The following MGAT4A variants were observed in gnomAD, a reference collection of about 807,000 sequenced individuals.
MGAT4A encodes alpha-1,3-mannosyl-glycoprotein 4-beta-N-acetylglucosaminyltransferase A.
MGAT4A carries 33 observed loss-of-function variants against 74.1 expected under a neutral mutation model. That is an observed-to-expected ratio of 0.45 (90% CI 0.34 to 0.60). The LOEUF (loss-of-function observed/expected upper bound fraction) is 0.60, where lower values mean the gene tolerates loss of function less well. Among genes scored for constraint, MGAT4A ranks in the 20% least tolerant of loss-of-function variants. The probability of loss-of-function intolerance (pLI) is 0.02; values close to 1 mark genes in which losing one functional copy is unlikely to be tolerated. For synonymous variants in MGAT4A, 198 were observed against 210.4 expected (o/e 0.94, Z 0.51); for missense variants, 479 against 628.3 (o/e 0.76, Z 2.54).
chr2:98,730,539 G>GCCCACCTGCGCCTCGGACCGTCCGA (rs1559179489), intron 1 of MGAT4A, among the ~76,000 whole-genome samples: 1 of 151,372 alleles, frequency 6.6e-6, no homozygotes, highest in Non-Finnish European at 1.5e-5. Flanking sequence ...GGACCGTCCG[G>GCCCACCTGCGCCTCGGACCGTCCGA]CCCCGCCCAC....
chr2:98,632,061 G>C (rs928854998), intron 14 of MGAT4A, among the ~76,000 whole-genome samples: 3 of 151,892 alleles, frequency 2.0e-5, no homozygotes, highest in Non-Finnish European at 2.9e-5. Flanking sequence ...AGTGAGCCGG[G>C]ATTGCACTAC....
chr2:98,621,579 C>A lies in MGAT4A; in HGVS notation c.*3987G>T. ...CTTTTGCTACATAACATGATATAAT[C>A]ATGGATCAAACAGGTTCCACCCATG... On this transcript the variant is annotated 3_prime_UTR_variant, in exon 16 of 16. Transcript: ENST00000393487. 4 of 1,544,510 alleles carry A rather than the reference C, an allele frequency of 2.6e-6. No individual in the cohort carries two copies. The highest frequency in any genetic ancestry group is 4.0e-5 in the Admixed American group (2 of 50,430).
intron 8 of MGAT4A, 123 bp from the exon 9 acceptor site, chr2:98,645,665 C>A: frequency 2.7e-6 from 2 of 748,262 alleles, no homozygotes; most frequent in Non-Finnish European, 3.8e-6. Context: ...ATGGTAAAAA[C>A]AATAAAAATA....
rs539845934 is a variant in MGAT4A at position 98,652,131 on chromosome 2, T to C, written c.774+3314A>G. 6.6e-5 allele frequency among the ~76,000 whole-genome samples: 10 copies of C among 152,300 alleles called. No homozygotes were observed. The East Asian group carries it at 1.9e-3, about 29-fold the overall frequency. ...CCACAATAATACTAGGGGGTTTCAA[T>C]ATTCTACTTCAGTTATGGATAGATC... On this transcript the variant is annotated intron_variant, in intron 8 of 15. Transcript: ENST00000393487.
intron 1 of MGAT4A, chr2:98,730,253 A>G (rs1329378985): frequency 1.3e-5 from 2 of 152,226 alleles, no homozygotes; most frequent in Non-Finnish European, 2.9e-5. Context: ...CTCCAGAGAA[A>G]CACACTGTTG....
intron 1 of MGAT4A, among the ~76,000 whole-genome samples, chr2:98,730,765 C>T (rs1291157472): frequency 6.7e-6 from 1 of 149,322 alleles, no homozygotes; most frequent in Non-Finnish European, 1.5e-5. Flanking sequence ...CGGTGCGGGG[C>T]AGGGACGCTG....
chr2:98,650,907 C>CTGGGCG (rs1701567400), intron 8 of MGAT4A, among the ~76,000 whole-genome samples: 2 of 151,960 alleles, frequency 1.3e-5, no homozygotes, highest in African/African-American at 4.8e-5. Context: ...GAGATCGCGC[C>CTGGGCG]ACTGCACTTC....
intron 6 of MGAT4A, among the ~76,000 whole-genome samples, chr2:98,656,981 T>C (rs1312215241): frequency 6.6e-6 from 1 of 152,164 alleles, no homozygotes; most frequent in East Asian, 1.9e-4. Context: ...CATTTAGCAA[T>C]GTCTGAAGAC....
At chr2:98,725,181 T>C (rs1702743520) in intron 2 of MGAT4A, among the ~76,000 whole-genome samples, 1 of 152,210 alleles carries the variant, frequency 6.6e-6, no homozygotes, top group Admixed American at 6.5e-5. Context: ...AAAAGGACCT[T>C]AGCAAGTTTT....
chr2:98,685,795 T>C (rs1224751854), intron 2 of MGAT4A, among the ~76,000 whole-genome samples: 1 of 152,200 alleles, frequency 6.6e-6, no homozygotes, highest in African/African-American at 2.4e-5. Context: ...GGGATCCTGA[T>C]TCCATGGTCT....
At position 98,624,447 on chromosome 2, in the gene MGAT4A, A is replaced by G. The variant is rs1701113778; in HGVS notation, c.*1119T>C. 3 of 966,536 alleles carry G rather than the reference A, an allele frequency of 3.1e-6. No individual in the cohort carries two copies. The highest frequency in any genetic ancestry group is 3.5e-5 in the African/African-American group (2 of 56,868). The allele number at this position is 966,536 out of a possible 1,614,324, so 59.9% of individuals were successfully genotyped here. On this transcript the variant is annotated 3_prime_UTR_variant, in exon 16 of 16. Coordinates refer to ENST00000393487, the MANE Select transcript of MGAT4A (RefSeq NM_012214.3). ...ATAAATACAGTCTCTTGGACACGGGACTCACTTATCAGTTCATACTACAAT... is the reference window on the plus strand; with the variant it reads ...ATAAATACAGTCTCTTGGACACGGGGCTCACTTATCAGTTCATACTACAAT...
chr2:98,685,436 C>T (rs1456493719), intron 2 of MGAT4A, among the ~76,000 whole-genome samples: 7 of 152,086 alleles, frequency 4.6e-5, no homozygotes, highest in Non-Finnish European at 1.5e-5. Flanking sequence ...AAAGATTTCA[C>T]ATGCATCACT....
chr2:98,632,643 C>T (rs1404660727), intron 14 of MGAT4A, among the ~76,000 whole-genome samples: 5 of 152,232 alleles, frequency 3.3e-5, no homozygotes, highest in African/African-American at 1.2e-4. Flanking sequence ...CCTGCCTCTC[C>T]ATTGGGCACA....
rs894995501 is a variant in MGAT4A, at chr2:98,656,297, T to C, written c.698+55A>G. The C allele has an allele frequency of 9.5e-6, 11 of 1,163,984 alleles. No individual in the cohort carries two copies. The Admixed American group carries it at 1.5e-4, about 16-fold the overall frequency. The allele number at this position is 1,163,984 out of a possible 1,614,324, so 72.1% of individuals were successfully genotyped here. A position where few individuals can be genotyped will look rare whatever the true frequency, so the allele number is the denominator to read the frequency against. On this transcript the variant is annotated intron_variant, in intron 7 of 15. Transcript: ENST00000393487. ...TCAGCTTCGATAAATAAAAACTACA[T>C]GTATTAAATATTTACACTCACAAGT...
chr2:98,718,830 T>C (rs1255613708), intron 2 of MGAT4A, among the ~76,000 whole-genome samples: 1 of 152,144 alleles, frequency 6.6e-6, no homozygotes, highest in Non-Finnish European at 1.5e-5. Context: ...TTCCTGGGCT[T>C]GTAAGGCAGT....
intron 8 of MGAT4A, among the ~76,000 whole-genome samples, chr2:98,653,796 C>T (rs1701617146): frequency 6.6e-6 from 1 of 152,104 alleles, no homozygotes; most frequent in African/African-American, 2.4e-5. Flanking sequence ...AGAACTGAAA[C>T]AGAGGGAACA....
intron 2 of MGAT4A, among the ~76,000 whole-genome samples, chr2:98,700,002 A>T (rs1457578104): frequency 6.6e-6 from 1 of 152,202 alleles, no homozygotes; most frequent in East Asian, 1.9e-4. Flanking sequence ...CACGTGAGAT[A>T]ACATCTGACG....
In MGAT4A at chr2:98,711,010, T is replaced by C. The variant is rs150380421; in HGVS notation, c.94+15229A>G. Among the ~76,000 whole-genome samples, 21 of 151,786 alleles carry C rather than the reference T, an allele frequency of 1.4e-4. 1 individual carries two copies. The East Asian group carries it at 3.9e-3, about 28-fold the overall frequency. ...AGTTGGGTTAAAAAAAAATCAGTGA[T>C]CTGTCGTAAAATAACCAAGATGCTA... On this transcript the variant is annotated intron_variant, in intron 2 of 15. Transcript: ENST00000393487.
chr2:98,672,685 G>A (rs762723850), intron 4 of MGAT4A, among the ~76,000 whole-genome samples: 14 of 152,034 alleles, frequency 9.2e-5, no homozygotes, highest in South Asian at 8.3e-4. Context: ...TTCTTTATGC[G>A]TTTATGCTGC....
Sources: allele counts gnomAD v4.1 joint callset (sites outside exome capture counted in the v4.1 genomes callset), GRCh38; gene constraint gnomAD v4.1.1; transcripts MANE v1.5; gene names NCBI Gene and HGNC (gene_info 2026-07-23, HGNC 2026-07-21).